Variants in OPHN1 observed in about 807,000 individuals in gnomAD.
OPHN1 encodes the protein oligophrenin 1.
Under a neutral mutation model 60.7 loss-of-function variants are expected in OPHN1, and 11 were observed. The observed-to-expected ratio is 0.18, with a 90% CI of 0.11 to 0.30. The LOEUF (loss-of-function observed/expected upper bound fraction) is 0.30. OPHN1 is among the 10% of genes least tolerant of loss of function. The pLI is 1.00. For missense variants in OPHN1, 449 were observed against 611.0 expected (o/e 0.73, Z 2.80); for synonymous variants, 226 against 222.6 (o/e 1.02, Z -0.14).
intron 2 of OPHN1, among the ~76,000 whole-genome samples, chrX:68,337,445 T>A (rs1363702434): frequency 8.9e-6 from 1 of 112,137 alleles, no homozygotes; most frequent in Non-Finnish European, 1.9e-5. Context: ...ATGGCAGATG[T>A]AAATCCACCT....
intron 15 of OPHN1, among the ~76,000 whole-genome samples, chrX:68,153,210 CAA>C (rs11292214): frequency 1.3e-3 from 70 of 55,398 alleles, no homozygotes; most frequent in African/African-American, 2.8e-3. Context: ...GACTCCATGT[CAA>C]AAAAAAAAAA....
intron 9 of OPHN1, among the ~76,000 whole-genome samples, chrX:68,208,115 G>T (rs937930809): frequency 9.6e-6 from 1 of 103,728 alleles, no homozygotes; most frequent in Non-Finnish European, 1.9e-5. Flanking sequence ...TTTTGAGACA[G>T]AGTCTCACTC....
chrX:68,103,003 G>A (rs1409339471), intron 18 of OPHN1, among the ~76,000 whole-genome samples: 1 of 111,774 alleles, frequency 8.9e-6, no homozygotes, highest in Admixed American at 9.5e-5. Context: ...AGAAAAAGAG[G>A]GAATCCTCCC....
intron 2 of OPHN1, among the ~76,000 whole-genome samples, chrX:68,393,410 G>T (rs1428983028): frequency 9.0e-6 from 1 of 111,327 alleles, no homozygotes; most frequent in Non-Finnish European, 1.9e-5. Flanking sequence ...CCTGCCTCAG[G>T]CTCTCAAGTA....
At chrX:68,384,419 G>A (rs1384048750) in intron 2 of OPHN1, among the ~76,000 whole-genome samples, 1 of 112,026 alleles carries the variant, frequency 8.9e-6, no homozygotes, top group Non-Finnish European at 1.9e-5. Flanking sequence ...CCATAAAAAG[G>A]AATGAAATAT....
Position 68,086,227 on chromosome X carries a change from T to C in OPHN1, c.1686+10643A>G, listed in dbSNP as rs143144200. On this transcript the variant is annotated intron_variant, in intron 19 of 24. Coordinates refer to ENST00000355520, the MANE Select transcript of OPHN1 (RefSeq NM_002547.3). ...AAATCCTAAAAGAATGGGAAACTCA[T>C]AGCATATGGAGACTTTCTAAAGGGT... is the stretch of plus-strand genomic sequence containing the variant. 2.1e-3 allele frequency among the ~76,000 whole-genome samples: 211 copies of C among 102,888 alleles called. 1 individual carries two copies. Among genetic ancestry groups the C allele is most frequent in the African/African-American group, 6.9e-3 (199 of 29,012 alleles). 89.3% of individuals were successfully genotyped at this position (102,888 alleles called of 115,157 possible).
intron 15 of OPHN1, among the ~76,000 whole-genome samples, chrX:68,180,957 AAT>A (rs1491558848): frequency 9.0e-6 from 1 of 110,664 alleles, no homozygotes; most frequent in African/African-American, 3.3e-5. Flanking sequence ...TATTGAAAAA[AAT>A]ATATCACAAA....
chrX:68,316,755 G>A (rs987809786), intron 2 of OPHN1, among the ~76,000 whole-genome samples: 1 of 107,785 alleles, frequency 9.3e-6, no homozygotes, highest in Non-Finnish European at 1.9e-5. Context: ...GGCACAATTG[G>A]CTAATCCAAG....
chrX:68,119,637 T>C (rs950638399), intron 15 of OPHN1, among the ~76,000 whole-genome samples: 4 of 111,670 alleles, frequency 3.6e-5, no homozygotes, highest in Admixed American at 2.8e-4. Flanking sequence ...AGTGAGGAGA[T>C]AGATAGAGAG....
chrX:68,358,927 C>T (rs897450526), intron 2 of OPHN1, among the ~76,000 whole-genome samples: 1 of 111,792 alleles, frequency 8.9e-6, no homozygotes, highest in African/African-American at 3.3e-5. Flanking sequence ...GCCAAAAGCC[C>T]CCAATGCTAG....
At chrX:68,235,831 C>T (rs1339811265) in intron 5 of OPHN1, among the ~76,000 whole-genome samples, 2 of 109,449 alleles carry the variant, frequency 1.8e-5, no homozygotes, top group African/African-American at 3.3e-5. Flanking sequence ...GCATTCCAGC[C>T]TAGGTGAGAG....
At chrX:68,234,361 A>G in intron 6 of OPHN1, 126 bp downstream of exon 6, 2 of 555,912 alleles carry the variant, frequency 3.6e-6, no homozygotes, top group Non-Finnish European at 6.3e-6. Context: ...TTTTGACTAC[A>G]AGTGCTACTA....
rs1176841764 is a variant in OPHN1, at chrX:68,201,473, G to C, written c.1025+146C>G. 1.6e-5 allele frequency: 8 copies of C among 504,135 alleles called. No individual in the cohort carries two copies. The East Asian group carries it at 2.8e-4, about 18-fold the overall frequency. The allele number at this position is 504,135 out of a possible 1,213,427, so 41.5% of individuals were successfully genotyped here. A position where few individuals can be genotyped will look rare whatever the true frequency, so the allele number is the denominator to read the frequency against. ...GGATCCCTGGGAAGGGCAGCCAGAA[G>C]AGCTGGCTTGAATAGACTCACAACA... On this transcript the variant is annotated intron_variant, in intron 11 of 24. Coordinates refer to ENST00000355520, the MANE Select transcript of OPHN1 (RefSeq NM_002547.3).
chrX:68,170,849 G>C (rs1238855800), intron 15 of OPHN1, among the ~76,000 whole-genome samples: 1 of 105,708 alleles, frequency 9.5e-6, no homozygotes, highest in Admixed American at 1.0e-4. Flanking sequence ...GAGTTAATGG[G>C]TGCAGCACAC....
intron 6 of OPHN1, among the ~76,000 whole-genome samples, chrX:68,232,355 G>A (rs1457241462): frequency 9.0e-6 from 1 of 111,593 alleles, no homozygotes; most frequent in Non-Finnish European, 1.9e-5. Context: ...GAGAAAAGGT[G>A]CCTGGGGCAA....
At chrX:68,344,110 G>T (rs962865783) in intron 2 of OPHN1, among the ~76,000 whole-genome samples, 2 of 111,876 alleles carry the variant, frequency 1.8e-5, no homozygotes, top group Non-Finnish European at 3.8e-5. Flanking sequence ...CAAAGGTGTT[G>T]TCAACCCTTT....
intron 2 of OPHN1, among the ~76,000 whole-genome samples, chrX:68,336,862 T>TTC (rs2078326041): frequency 9.0e-6 from 1 of 110,755 alleles, no homozygotes; most frequent in Admixed American, 9.7e-5. Context: ...GAGACCAGCC[T>TTC]GGCCAACATG....
chrX:68,105,521 G>T (rs2147418800), intron 18 of OPHN1, among the ~76,000 whole-genome samples: 1 of 109,924 alleles, frequency 9.1e-6, no homozygotes, highest in South Asian at 4.0e-4. Flanking sequence ...CATGGATGAA[G>T]CTGGAAACCA....
chrX:68,073,510 C>A (rs1001219735), intron 19 of OPHN1, among the ~76,000 whole-genome samples: 10 of 111,991 alleles, frequency 8.9e-5, no homozygotes, highest in Non-Finnish European at 7.5e-5. Context: ...CAGAACCTGG[C>A]ACTTCTCAGT....
Sources: gnomAD v4.1 joint callset for allele counts (sites outside exome capture counted in the v4.1 genomes callset) on GRCh38, gnomAD v4.1.1 for gene constraint, MANE v1.5 for transcripts, NCBI Gene and HGNC (gene_info 2026-07-23, HGNC 2026-07-21) for gene names.